FGD4: variants seen among roughly 807,000 people sequenced by gnomAD.
The protein encoded by FGD4 is FYVE, RhoGEF and PH domain-containing protein 4.
Under a neutral mutation model 102.0 loss-of-function variants are expected in FGD4, and 42 were observed. The ratio of observed to expected loss-of-function variants is 0.41; its 90% CI spans 0.32 to 0.53. The LOEUF is 0.53. Among genes scored for constraint, FGD4 ranks in the 20% least tolerant of loss-of-function variants. FGD4 has a pLI of 0.21. For synonymous variants in FGD4, 380 were observed against 375.7 expected, an observed-to-expected ratio of 1.01 and a Z score of -0.13; for missense variants, 902 against 1,078.2, an observed-to-expected ratio of 0.84 and a Z score of 2.29.
intron 6 of FGD4, among the ~76,000 whole-genome samples, 178 bp from the exon 7 acceptor site, chr12:32,601,983 C>T (rs536484873): frequency 3.9e-5 from 6 of 152,240 alleles, no homozygotes; most frequent in East Asian, 1.9e-4. Context: ...GGCGTGGTGG[C>T]GCGTGCCTGT....
chr12:32,437,444 G>A (rs760969303), intron 1 of FGD4, among the ~76,000 whole-genome samples: 1 of 152,178 alleles, frequency 6.6e-6, no homozygotes, highest in Admixed American at 6.5e-5. Context: ...TGAGCGAGGC[G>A]AGGTGTCCAA....
At chr12:32,419,741 C>G (rs988476128) in intron 1 of FGD4, among the ~76,000 whole-genome samples, 1 of 152,218 alleles carries the variant, frequency 6.6e-6, no homozygotes, top group Admixed American at 6.5e-5. Context: ...AACTCAAGCT[C>G]TGACTGCTAT....
intron 10 of FGD4, among the ~76,000 whole-genome samples, chr12:32,617,428 T>C (rs1459147477): frequency 6.6e-6 from 1 of 152,244 alleles, no homozygotes; most frequent in African/African-American, 2.4e-5. Flanking sequence ...AATGAAATTG[T>C]CACTGGTGAG....
chr12:32,541,962 G>GA (rs113379614), intron 1 of FGD4, among the ~76,000 whole-genome samples: 46,124 of 147,914 alleles, frequency 0.31, 8,091 homozygotes, highest in African/African-American at 0.48. Flanking sequence ...TTTCCTCAGG[G>GA]AAAAAAAAAA....
Position 32,619,820 on chromosome 12 carries a change from A to C in FGD4, c.1872A>C (p.Pro624=), listed in dbSNP as rs200518658. 8 of 1,614,164 alleles carry C rather than the reference A, an allele frequency of 5.0e-6. No individual in the cohort carries two copies. In the East Asian group the frequency reaches 1.8e-4, roughly 36 times the overall value. The change falls in exon 11 of 17, where the codon CCA becomes CCC. Residue 624 remains proline (P), a synonymous_variant. Transcript: ENST00000534526. ...TAGAGACTCAAAATGAAGAATATCC[A>C]CATACTTTCCAGGTGTCTGGGAAAG... The part of the protein sequence containing the change: ...KIVETQNEEY[P]HTFQVSGKER...
intron 12 of FGD4, 132 bp downstream of exon 12, chr12:32,624,584 T>C (rs146940508): frequency 2.6e-6 from 2 of 779,622 alleles, no homozygotes; most frequent in African/African-American, 1.7e-5. Context: ...AAGCCTTGCA[T>C]CTCAGCCTCT....
At chr12:32,600,467 T>C in intron 5 of FGD4, 1 of 1,283,990 alleles carries the variant, frequency 7.8e-7, no homozygotes. Flanking sequence ...TATGAAGGAA[T>C]AGACCTCCTT....
At chr12:32,611,546 C>T (rs1224205157) in intron 10 of FGD4, among the ~76,000 whole-genome samples, 1 of 151,996 alleles carries the variant, frequency 6.6e-6, no homozygotes, top group African/African-American at 2.4e-5. Flanking sequence ...GAGCTGAGAT[C>T]GTGCCACTGC....
chr12:32,445,812 G>C (rs1942594525), intron 1 of FGD4, among the ~76,000 whole-genome samples: 1 of 152,146 alleles, frequency 6.6e-6, no homozygotes, highest in East Asian at 1.9e-4. Context: ...GAACAAATTT[G>C]CAAGAAAAGT....
intron 1 of FGD4, among the ~76,000 whole-genome samples, chr12:32,541,381 T>C (rs1318299658): frequency 6.6e-6 from 1 of 152,204 alleles, no homozygotes; most frequent in Non-Finnish European, 1.5e-5. Flanking sequence ...AGTAATGTTT[T>C]TTTTGAGACA....
chr12:32,469,496 G>A (rs1012708731), intron 1 of FGD4, among the ~76,000 whole-genome samples: 1 of 151,886 alleles, frequency 6.6e-6, no homozygotes. Flanking sequence ...AGCCAGGCTG[G>A]TCTCAAACTC....
Position 32,470,663 on chromosome 12 carries a change from A to T in FGD4, c.166+70704A>T, listed in dbSNP as rs1033062818. On this transcript the variant is annotated intron_variant, in intron 1 of 16. Transcript: ENST00000534526. Reference sequence around the variant, plus strand: ...GAGAGAGGGTTTTTCCATGTTGGCCATGCTGGTCTCGAACTCCTGACCTCA... The same window carrying T: ...GAGAGAGGGTTTTTCCATGTTGGCCTTGCTGGTCTCGAACTCCTGACCTCA... 4.5e-4 allele frequency among the ~76,000 whole-genome samples: 68 copies of T among 151,922 alleles called. 1 individual carries two copies. Among genetic ancestry groups the T allele is most frequent in the African/African-American group, 1.6e-3 (66 of 41,350 alleles).
intron 1 of FGD4, among the ~76,000 whole-genome samples, chr12:32,452,212 G>A (rs1942798288): frequency 6.6e-6 from 1 of 152,150 alleles, no homozygotes; most frequent in African/African-American, 2.4e-5. Context: ...ATTTTTCAGT[G>A]ATTTGGGAAA....
chr12:32,487,083 C>G (rs753022854), intron 1 of FGD4, among the ~76,000 whole-genome samples: 1 of 152,172 alleles, frequency 6.6e-6, no homozygotes, highest in Non-Finnish European at 1.5e-5. Context: ...CTACACTATT[C>G]TGTTACAGGT....
chr12:32,467,919 G>C (rs571560567), intron 1 of FGD4, among the ~76,000 whole-genome samples: 1 of 152,266 alleles, frequency 6.6e-6, no homozygotes, highest in African/African-American at 2.4e-5. Flanking sequence ...GGGAGGCTGA[G>C]GCAGGAGAAT....
intron 3 of FGD4, among the ~76,000 whole-genome samples, chr12:32,577,849 G>A (rs915263044): frequency 6.6e-6 from 1 of 152,116 alleles, no homozygotes; most frequent in Non-Finnish European, 1.5e-5. Context: ...TGCATAATAG[G>A]AGGGGCTGGA....
chr12:32,529,539 T>C (rs993437003), intron 1 of FGD4, among the ~76,000 whole-genome samples: 17 of 152,028 alleles, frequency 1.1e-4, no homozygotes, highest in Admixed American at 1.1e-3. Context: ...TATTTGTACA[T>C]AATTTATTAA....
intron 1 of FGD4, among the ~76,000 whole-genome samples, chr12:32,492,007 TG>T (rs1384332038): frequency 6.6e-6 from 1 of 152,218 alleles, no homozygotes; most frequent in Non-Finnish European, 1.5e-5. Flanking sequence ...ATTCAGCTGA[TG>T]GTTGAAATTT....
In FGD4 at chr12:32,407,039, C is replaced by T. The variant is rs370326325; in HGVS notation, c.166+7080C>T. Among the ~76,000 whole-genome samples the T allele has an allele frequency of 6.9e-4, 105 of 151,496 alleles. 1 individual carries two copies. The South Asian group carries it at 0.02, about 29-fold the overall frequency. On this transcript the variant is annotated intron_variant, in intron 1 of 16. Transcript: ENST00000534526. ...TCTTGGCCAGGCTGGTCTTGAACTCCTGACCTCGTGATCCACCCGCCTCCG... is the reference window on the plus strand; with the variant it reads ...TCTTGGCCAGGCTGGTCTTGAACTCTTGACCTCGTGATCCACCCGCCTCCG...
Sources: gnomAD v4.1 joint callset for allele counts (sites outside exome capture counted in the v4.1 genomes callset) on GRCh38, gnomAD v4.1.1 for gene constraint, MANE v1.5 for transcripts, NCBI Gene and HGNC (gene_info 2026-07-23, HGNC 2026-07-21) for gene names.